Variants in PRKCB observed in about 807,000 individuals in gnomAD.
The protein encoded by PRKCB is protein kinase C beta.
PRKCB carries 13 observed loss-of-function variants against 81.5 expected under a neutral mutation model. The ratio of observed to expected loss-of-function variants is 0.16; its 90% confidence interval spans 0.10 to 0.25. The LOEUF (loss-of-function observed/expected upper bound fraction) is 0.25, where lower values mean the gene tolerates loss of function less well. PRKCB is among the 10% of genes least tolerant of loss of function. The pLI, the probability that PRKCB is intolerant of heterozygous loss-of-function variation, is 1.00. For synonymous variants in PRKCB, 335 were observed against 321.4 expected (o/e 1.04, Z -0.45); for missense variants, 509 against 875.7 (o/e 0.58, Z 5.29).
intron 2 of PRKCB, among the ~76,000 whole-genome samples, chr16:23,944,711 A>G (rs1964183091): frequency 6.6e-6 from 1 of 152,216 alleles, no homozygotes; most frequent in African/African-American, 2.4e-5. Context: ...CAAAGGGTGC[A>G]GTGTCTGCGG....
chr16:23,924,541 C>G (rs554152346), intron 2 of PRKCB, among the ~76,000 whole-genome samples: 1 of 152,118 alleles, frequency 6.6e-6, no homozygotes, highest in African/African-American at 2.4e-5. Context: ...CATCTAGTTT[C>G]TGTTTCCTCT....
At chr16:23,981,616 CT>C (rs1324894063) in intron 2 of PRKCB, among the ~76,000 whole-genome samples, 3 of 148,664 alleles carry the variant, frequency 2.0e-5, no homozygotes, top group African/African-American at 2.5e-5. Context: ...TTTCCTTTCC[CT>C]TTCCCTTCCC....
intron 2 of PRKCB, among the ~76,000 whole-genome samples, chr16:23,948,434 T>C (rs970666737): frequency 6.6e-6 from 1 of 152,132 alleles, no homozygotes; most frequent in African/African-American, 2.4e-5. Flanking sequence ...GATGGAGTCT[T>C]GCTCTGTTGC....
chr16:23,881,992 T>TTC (rs1335526785), intron 2 of PRKCB, among the ~76,000 whole-genome samples: 9 of 31,430 alleles, frequency 2.9e-4, no homozygotes, highest in Admixed American at 1.4e-3. Context: ...CTTTCTTTCT[T>TTC]TCTTTCTTTC....
intron 2 of PRKCB, among the ~76,000 whole-genome samples, chr16:23,855,186 C>A (rs958990797): frequency 6.6e-6 from 1 of 151,808 alleles, no homozygotes; most frequent in Non-Finnish European, 1.5e-5. Flanking sequence ...GAGAGAGAGG[C>A]GTGTGAGTGA....
chr16:24,075,148 AAATT>A (rs1385847309), intron 5 of PRKCB, among the ~76,000 whole-genome samples: 1 of 152,108 alleles, frequency 6.6e-6, no homozygotes, highest in Non-Finnish European at 1.5e-5. Context: ...TAATTAAAGA[AAATT>A]AAATAAAATG....
intron 2 of PRKCB, among the ~76,000 whole-genome samples, chr16:23,942,298 T>G (rs1964149269): frequency 6.6e-6 from 1 of 152,248 alleles, no homozygotes; most frequent in African/African-American, 2.4e-5. Context: ...GGTTTACATT[T>G]TCTTTTAAAC....
chr16:24,109,923 A>G (rs1183546453), intron 7 of PRKCB, among the ~76,000 whole-genome samples: 1 of 126,780 alleles, frequency 7.9e-6, no homozygotes, highest in African/African-American at 3.7e-5. Flanking sequence ...TGGCCAACAC[A>G]GCGAAACCCC....
intron 2 of PRKCB, chr16:23,893,940 C>T (rs1477564741): frequency 6.6e-6 from 1 of 152,200 alleles, no homozygotes; most frequent in Non-Finnish European, 1.5e-5. Flanking sequence ...TGCTGTGTAA[C>T]AAATCATCGC....
chr16:24,050,000 G>A (rs918320105), intron 5 of PRKCB, among the ~76,000 whole-genome samples: 1 of 152,194 alleles, frequency 6.6e-6, no homozygotes, highest in African/African-American at 2.4e-5. Context: ...TGGTGCAGGT[G>A]GACAAGTAGG....
chr16:23,892,395 G>C (rs1963309158), intron 2 of PRKCB, among the ~76,000 whole-genome samples: 1 of 152,168 alleles, frequency 6.6e-6, no homozygotes, highest in African/African-American at 2.4e-5. Flanking sequence ...ATCGTTTTAA[G>C]GTCCTGAGCT....
chr16:24,121,608 C>G (rs533699889), intron 8 of PRKCB, among the ~76,000 whole-genome samples: 1 of 152,240 alleles, frequency 6.6e-6, no homozygotes, highest in South Asian at 2.1e-4. Context: ...AACTCCTGGC[C>G]TCAAGCAGTC....
intron 3 of PRKCB, chr16:24,031,902 T>G (rs1596520604): frequency 5.8e-6 from 2 of 347,250 alleles, no homozygotes; most frequent in East Asian, 1.0e-4. Context: ...GCAGGGTGAG[T>G]GAGCATGGGG....
chr16:24,048,527 G>A (rs766606506), intron 5 of PRKCB, among the ~76,000 whole-genome samples: 1 of 147,872 alleles, frequency 6.8e-6, no homozygotes, highest in Middle Eastern at 3.5e-3. Context: ...GTCTCACTCT[G>A]TCGCCAGGCT....
intron 2 of PRKCB, among the ~76,000 whole-genome samples, chr16:23,868,484 T>C (rs746860498): frequency 2.0e-5 from 3 of 152,270 alleles, no homozygotes; most frequent in Non-Finnish European, 4.4e-5. Context: ...ATTATCTTAT[T>C]TGATTTTCAC....
intron 2 of PRKCB, among the ~76,000 whole-genome samples, chr16:23,905,503 T>G (rs955216186): frequency 1.3e-5 from 2 of 152,222 alleles, no homozygotes. Context: ...AGTATAAGTA[T>G]GTCCCAAATA....
At chr16:23,955,288 G>A (rs1246886746) in intron 2 of PRKCB, among the ~76,000 whole-genome samples, 1 of 152,072 alleles carries the variant, frequency 6.6e-6, no homozygotes, top group African/African-American at 2.4e-5. Context: ...GTTAATAAAT[G>A]TGAGCCATTC....
At chr16:23,871,722 C>T (rs1455430320) in intron 2 of PRKCB, among the ~76,000 whole-genome samples, 2 of 152,032 alleles carry the variant, frequency 1.3e-5, no homozygotes, top group African/African-American at 4.8e-5. Context: ...TGATTACAGG[C>T]ATGTGCCACC....
intron 2 of PRKCB, among the ~76,000 whole-genome samples, chr16:23,909,304 G>A (rs2141731277): frequency 6.6e-6 from 1 of 152,254 alleles, no homozygotes; most frequent in Admixed American, 6.5e-5. Flanking sequence ...TTGGGCTGCT[G>A]TAACCATGGG....
Sources: allele counts gnomAD v4.1 joint callset (sites outside exome capture counted in the v4.1 genomes callset), GRCh38; gene constraint gnomAD v4.1.1; transcripts MANE v1.5; gene names NCBI Gene and HGNC (gene_info 2026-07-23, HGNC 2026-07-21).